The following PATJ variants were observed in gnomAD, a reference collection of about 807,000 sequenced individuals.
The protein encoded by PATJ is inaD-like protein.
A neutral mutation model predicts 224.9 loss-of-function variants in PATJ; 190 were observed. The observed-to-expected ratio is 0.84, with a 90% CI of 0.75 to 0.95. The LOEUF is 0.95. Ranked by LOEUF, PATJ falls within the 40% of genes least tolerant of loss-of-function variation. The pLI is 0.00. For missense variants in PATJ, 2,121 were observed against 2,270.3 expected (o/e 0.93, Z 1.34); for synonymous variants, 769 against 820.3 (o/e 0.94, Z 1.07).
intron 33 of PATJ, among the ~76,000 whole-genome samples, chr1:62,094,608 C>G (rs866352638): frequency 0.022 from 3,184 of 142,630 alleles, 118 homozygotes; most frequent in African/African-American, 0.075. Context: ...CACACACACA[C>G]AGAGATGTTA....
At chr1:62,073,551 T>A (rs1657792362) in intron 31 of PATJ, among the ~76,000 whole-genome samples, 1 of 152,206 alleles carries the variant, frequency 6.6e-6, no homozygotes, top group Non-Finnish European at 1.5e-5. Flanking sequence ...GAGAATCACT[T>A]GAACCTGGGA....
chr1:61,834,474 G>T (rs1241861456), intron 17 of PATJ, among the ~76,000 whole-genome samples: 1 of 152,156 alleles, frequency 6.6e-6, no homozygotes, highest in East Asian at 1.9e-4. Context: ...CATCTATGTT[G>T]TACGGTTCTA....
intron 24 of PATJ, among the ~76,000 whole-genome samples, chr1:61,904,527 C>T (rs1671610133): frequency 6.6e-6 from 1 of 152,206 alleles, no homozygotes; most frequent in Non-Finnish European, 1.5e-5. Flanking sequence ...TATGCACCAC[C>T]ACAATTGAGA....
intron 18 of PATJ, among the ~76,000 whole-genome samples, chr1:61,857,565 T>C (rs574639051): frequency 3.7e-4 from 57 of 152,350 alleles, no homozygotes; most frequent in African/African-American, 1.3e-3. Flanking sequence ...TGTAATAAAT[T>C]GTTAGTCTGG....
chr1:62,019,297 G>T (rs1195587446), intron 29 of PATJ, among the ~76,000 whole-genome samples: 2 of 150,846 alleles, frequency 1.3e-5, no homozygotes, highest in African/African-American at 4.9e-5. Context: ...GCTAAGGCAG[G>T]CAGATCACGA....
chr1:61,951,197 A>T (rs1679615274), intron 27 of PATJ, among the ~76,000 whole-genome samples: 1 of 152,090 alleles, frequency 6.6e-6, no homozygotes, highest in Non-Finnish European at 1.5e-5. Flanking sequence ...AAAAGGAAAA[A>T]AAAAGTTATT....
rs2149086750 is a variant in PATJ, at chr1:62,163,262, T to A, written c.*2208T>A. 1 of 153,796 alleles carries A rather than the reference T, an allele frequency of 6.5e-6. No individual in the cohort carries two copies. The highest frequency in any genetic ancestry group is 2.0e-4 in the South Asian group (1 of 4,992). The allele number at this position is 153,796 out of a possible 1,614,324, so 9.5% of individuals were successfully genotyped here. Reference sequence around the variant, plus strand: ...TGAAATTACACATGGCTTTTAAAATTTCTAATGTATCCAAGATGTGCAATG... The same window carrying A: ...TGAAATTACACATGGCTTTTAAAATATCTAATGTATCCAAGATGTGCAATG... On this transcript the variant is annotated 3_prime_UTR_variant, in exon 44 of 44. Transcript: ENST00000642238.
chr1:61,941,862 C>T (rs1483272067), intron 27 of PATJ, among the ~76,000 whole-genome samples: 3 of 152,188 alleles, frequency 2.0e-5, no homozygotes, highest in Admixed American at 2.0e-4. Context: ...CCACATTTGT[C>T]ACTGAAAGAG....
At position 61,775,465 on chromosome 1, in the gene PATJ, G is replaced by A. The variant is rs1003364933; in HGVS notation, c.849+131G>A. 3.8e-5 allele frequency: 28 copies of A among 731,032 alleles called. No homozygotes were observed. The Admixed American group carries it at 8.0e-4, about 21-fold the overall frequency. The allele number at this position is 731,032 out of a possible 1,614,324, so 45.3% of individuals were successfully genotyped here. A position where few individuals can be genotyped will look rare whatever the true frequency, so the allele number is the denominator to read the frequency against. ...AAGAATTTAAGTATAGCTTAAAAAT[G>A]ATTTATTCTGTAAGTATTATTAGGC... On this transcript the variant is annotated intron_variant, in intron 7 of 43. Coordinates refer to ENST00000642238, the MANE Select transcript of PATJ (RefSeq NM_001350145.3).
intron 14 of PATJ, among the ~76,000 whole-genome samples, chr1:61,809,949 G>C (rs953792405): frequency 6.6e-6 from 1 of 150,830 alleles, no homozygotes; most frequent in Admixed American, 6.7e-5. Context: ...GGGTTCAAAC[G>C]ATTCTCCTGC....
At chr1:61,768,245 G>A (rs1466948372) in intron 4 of PATJ, among the ~76,000 whole-genome samples, 3 of 151,836 alleles carry the variant, frequency 2.0e-5, no homozygotes, top group South Asian at 2.1e-4. Context: ...CAAGGCAGGC[G>A]GATCACGAGG....
At chr1:62,049,283 AGT>A (rs1653150751) in intron 30 of PATJ, among the ~76,000 whole-genome samples, 3 of 144,100 alleles carry the variant, frequency 2.1e-5, no homozygotes, top group Admixed American at 6.7e-5. Flanking sequence ...ACACACACAG[AGT>A]ATTTTTTTTT....
At chr1:61,899,785 C>G in intron 23 of PATJ, 131 bp downstream of exon 23, 1 of 589,768 alleles carries the variant, frequency 1.7e-6, no homozygotes, top group Non-Finnish European at 2.9e-6. Context: ...GTAAGCTGGC[C>G]TACGTTTTGG....
intron 33 of PATJ, among the ~76,000 whole-genome samples, chr1:62,101,279 T>C (rs1455491833): frequency 2.0e-5 from 3 of 149,528 alleles, no homozygotes; most frequent in Admixed American, 6.7e-5. Flanking sequence ...TTTTTTTTTT[T>C]CTGAGACAGA....
intron 41 of PATJ, among the ~76,000 whole-genome samples, chr1:62,144,777 A>AAAAAAATAT (rs377489788): frequency 5.9e-5 from 7 of 119,102 alleles, no homozygotes; most frequent in South Asian, 5.4e-4. Context: ...AAAAAAAAAA[A>AAAAAAATAT]ATATATATAT....
intron 33 of PATJ, among the ~76,000 whole-genome samples, chr1:62,092,015 C>T (rs571421321): frequency 2.0e-5 from 3 of 148,928 alleles, no homozygotes; most frequent in Non-Finnish European, 3.0e-5. Context: ...GAGATCGCAC[C>T]GCTGCACTCC....
intron 37 of PATJ, among the ~76,000 whole-genome samples, chr1:62,118,275 T>C (rs925809620): frequency 1.3e-5 from 2 of 152,060 alleles, no homozygotes; most frequent in African/African-American, 4.8e-5. Context: ...CATGAGTTAA[T>C]AGTTAGTGAT....
At chr1:61,931,872 T>G (rs1676078996) in intron 27 of PATJ, among the ~76,000 whole-genome samples, 1 of 152,228 alleles carries the variant, frequency 6.6e-6, no homozygotes, top group South Asian at 2.1e-4. Flanking sequence ...GAAATACACT[T>G]CACTTAACCA....
intron 26 of PATJ, among the ~76,000 whole-genome samples, chr1:61,918,307 CTTTTTTTTTT>C (rs981322479): frequency 2.6e-5 from 3 of 115,628 alleles, no homozygotes; most frequent in Admixed American, 8.8e-5. Context: ...TTTGTGTATT[CTTTTTTTTTT>C]TTTTTTTTTG....
Sources: gnomAD v4.1 joint callset for allele counts (sites outside exome capture counted in the v4.1 genomes callset) on GRCh38, gnomAD v4.1.1 for gene constraint, MANE v1.5 for transcripts, NCBI Gene and HGNC (gene_info 2026-07-23, HGNC 2026-07-21) for gene names.